FAM13A: variants seen among roughly 807,000 people sequenced by gnomAD.
FAM13A encodes protein FAM13A.
FAM13A carries 76 observed loss-of-function variants against 129.6 expected under a neutral mutation model. The observed-to-expected ratio is 0.59, with a 90% CI of 0.49 to 0.71. FAM13A has a LOEUF of 0.71. Ranked by LOEUF, FAM13A falls within the 30% of genes least tolerant of loss-of-function variation. FAM13A has a pLI of 0.00. For synonymous variants in FAM13A, 443 were observed against 449.9 expected, an observed-to-expected ratio of 0.98 and a Z score of 0.20; for missense variants, 1,108 against 1,249.3, an observed-to-expected ratio of 0.89 and a Z score of 1.70.
intron 10 of FAM13A, among the ~76,000 whole-genome samples, chr4:88,784,498 CT>C (rs1328381110): frequency 6.6e-6 from 1 of 152,168 alleles, no homozygotes; most frequent in Non-Finnish European, 1.5e-5. Context: ...GGACCTCTCA[CT>C]TTCATTATCT....
intron 2 of FAM13A, among the ~76,000 whole-genome samples, chr4:89,026,779 C>G (rs1560859971): frequency 6.6e-6 from 1 of 152,172 alleles, no homozygotes; most frequent in African/African-American, 2.4e-5. Flanking sequence ...GATTATAATT[C>G]AAGATAAGAT....
At chr4:88,731,290 CG>C (rs770054139) in intron 23 of FAM13A, 36 bp downstream of exon 23, 36 of 740,938 alleles carry the variant, frequency 4.9e-5, no homozygotes, top group Non-Finnish European at 5.3e-5. Flanking sequence ...TGTGGTGCGG[CG>C]GGGGGGAAGG....
chr4:88,810,039 T>C (rs533542812), intron 7 of FAM13A, among the ~76,000 whole-genome samples: 4 of 152,234 alleles, frequency 2.6e-5, no homozygotes, highest in South Asian at 2.1e-4. Flanking sequence ...ACACAACTCT[T>C]AGCCAGTAGA....
chr4:88,920,001 C>A (rs571565425), intron 5 of FAM13A, among the ~76,000 whole-genome samples: 1 of 152,156 alleles, frequency 6.6e-6, no homozygotes, highest in South Asian at 2.1e-4. Context: ...GGGGGATGGG[C>A]GCCTGCCATT....
At chr4:88,997,453 C>T (rs1763700306) in intron 3 of FAM13A, among the ~76,000 whole-genome samples, 1 of 152,078 alleles carries the variant, frequency 6.6e-6, no homozygotes, top group Non-Finnish European at 1.5e-5. Context: ...GTATACATAG[C>T]ATACAGACAA....
At chr4:88,941,427 T>TA (rs1461531102) in intron 4 of FAM13A, among the ~76,000 whole-genome samples, 1 of 152,234 alleles carries the variant, frequency 6.6e-6, no homozygotes, top group Non-Finnish European at 1.5e-5. Flanking sequence ...TCTGCTTTCT[T>TA]AAGGCCTTTT....
chr4:89,030,656 A>G (rs1035661856), intron 1 of FAM13A, among the ~76,000 whole-genome samples: 2 of 152,174 alleles, frequency 1.3e-5, no homozygotes, highest in African/African-American at 2.4e-5. Context: ...GAGTTGAGGA[A>G]GCAAAAACCA....
At chr4:89,008,708 T>C (rs1198345302) in intron 3 of FAM13A, among the ~76,000 whole-genome samples, 1 of 152,158 alleles carries the variant, frequency 6.6e-6, no homozygotes, top group African/African-American at 2.4e-5. Context: ...GAAATATTTG[T>C]AGGAATAGCT....
chr4:88,875,770 AC>A (rs1742311500), intron 6 of FAM13A, among the ~76,000 whole-genome samples: 1 of 152,040 alleles, frequency 6.6e-6, no homozygotes, highest in East Asian at 1.9e-4. Flanking sequence ...ATACCATTCG[AC>A]CCCGTGATCT....
intron 3 of FAM13A, among the ~76,000 whole-genome samples, chr4:89,010,150 T>C (rs917144036): frequency 3.3e-5 from 5 of 152,188 alleles, no homozygotes; most frequent in African/African-American, 9.7e-5. Flanking sequence ...AGGGGTCCTC[T>C]ATACAGTATG....
chr4:88,846,704 C>A (rs1736698369), intron 7 of FAM13A, among the ~76,000 whole-genome samples: 1 of 152,156 alleles, frequency 6.6e-6, no homozygotes, highest in South Asian at 2.1e-4. Flanking sequence ...AATCATAAAA[C>A]CCACCTATTT....
chr4:88,900,944 G>A (rs1382645357), intron 6 of FAM13A, among the ~76,000 whole-genome samples: 1 of 152,104 alleles, frequency 6.6e-6, no homozygotes, highest in East Asian at 1.9e-4. Context: ...TAAAGGGATG[G>A]AGGAAAATTT....
intron 4 of FAM13A, among the ~76,000 whole-genome samples, chr4:88,984,566 C>T (rs1463524121): frequency 2.0e-5 from 3 of 151,920 alleles, no homozygotes; most frequent in Non-Finnish European, 4.4e-5. Context: ...CAGGGAAATG[C>T]AAATCAAAAC....
chr4:88,731,513 T>C (rs2149390509), intron 22 of FAM13A, 85 bp from the exon 23 acceptor site: 1 of 752,152 alleles, frequency 1.3e-6, no homozygotes, highest in South Asian at 1.8e-5. Flanking sequence ...ACAGGAGCTG[T>C]GCAGAAAGGG....
chr4:88,997,417 T>C (rs923367994), intron 3 of FAM13A, among the ~76,000 whole-genome samples: 3 of 152,192 alleles, frequency 2.0e-5, no homozygotes, highest in Admixed American at 2.0e-4. Context: ...TTTCTCAAGC[T>C]AAAATTCAAA....
chr4:88,855,026 G>A (rs1738252241), intron 6 of FAM13A, among the ~76,000 whole-genome samples: 1 of 152,100 alleles, frequency 6.6e-6, no homozygotes, highest in South Asian at 2.1e-4. Context: ...TGAAAGATGA[G>A]GAAACTGAGG....
chr4:88,971,222 A>T (rs1051515123), intron 4 of FAM13A, among the ~76,000 whole-genome samples: 1 of 152,188 alleles, frequency 6.6e-6, no homozygotes, highest in African/African-American at 2.4e-5. Flanking sequence ...TGCCTCAAAA[A>T]GAGAAAAAGA....
At chr4:88,998,500 G>T (rs114769536) in intron 3 of FAM13A, among the ~76,000 whole-genome samples, 1 of 152,172 alleles carries the variant, frequency 6.6e-6, no homozygotes, top group South Asian at 2.1e-4. Flanking sequence ...TTTAAGAAAT[G>T]TTTCCTGAAT....
chr4:88,945,986 GTGTGTATATATATATATATA>G (rs1560481899), intron 4 of FAM13A, among the ~76,000 whole-genome samples: 1 of 21,850 alleles, frequency 4.6e-5, no homozygotes, highest in Non-Finnish European at 7.5e-5. Flanking sequence ...GTGTGTGTGT[GTGTGTATATATATATATATA>G]TATATATATA....
Sources: gnomAD v4.1 joint callset for allele counts (sites outside exome capture counted in the v4.1 genomes callset) on GRCh38, gnomAD v4.1.1 for gene constraint, MANE v1.5 for transcripts, NCBI Gene and HGNC (gene_info 2026-07-23, HGNC 2026-07-21) for gene names.